Variants in ALK observed in about 807,000 individuals in gnomAD.
ALK encodes ALK receptor tyrosine kinase.
Under a neutral mutation model 163.1 loss-of-function variants are expected in ALK, and 74 were observed. The observed-to-expected ratio is 0.45, with a 90% CI of 0.38 to 0.55. ALK has a LOEUF of 0.55. ALK is among the 20% of genes least tolerant of loss of function. ALK has a pLI of 0.00. For missense variants in ALK, 2,063 were observed against 2,105.3 expected (o/e 0.98, Z 0.39); for synonymous variants, 960 against 843.2 (o/e 1.14, Z -2.40).
chr2:29,231,973 T>G (rs1426824776), intron 15 of ALK, among the ~76,000 whole-genome samples: 1 of 152,188 alleles, frequency 6.6e-6, no homozygotes, highest in East Asian at 1.9e-4. Context: ...GCTCATATCC[T>G]AACTGGGGGG....
Position 29,218,768 on chromosome 2 carries a change from G to A in ALK, c.3645+1938C>T, listed in dbSNP as rs376452665. 1.2e-4 allele frequency among the ~76,000 whole-genome samples: 18 copies of A among 152,368 alleles called. No homozygotes were observed. The South Asian group carries it at 2.5e-3, about 21-fold the overall frequency. On this transcript the variant is annotated intron_variant, in intron 23 of 28. Coordinates refer to ENST00000389048, the MANE Select transcript of ALK (RefSeq NM_004304.5). Reference sequence around the variant, plus strand: ...AACCAGGGCTGTGCCTCTTCCCAAAGTGTGATGCCACGTGTCCCCCACTGA... The same window carrying A: ...AACCAGGGCTGTGCCTCTTCCCAAAATGTGATGCCACGTGTCCCCCACTGA...
chr2:29,249,186 T>A (rs1204208320), intron 12 of ALK, among the ~76,000 whole-genome samples: 3 of 152,090 alleles, frequency 2.0e-5, no homozygotes, highest in African/African-American at 7.2e-5. Context: ...ATTCAAGGGA[T>A]CTCCTGAGAG....
chr2:29,215,666 T>TA (rs1367038126), intron 23 of ALK, among the ~76,000 whole-genome samples: 1 of 147,284 alleles, frequency 6.8e-6, no homozygotes, highest in African/African-American at 2.5e-5. Context: ...TCCAAGGAGT[T>TA]AAAATGGAAG....
intron 3 of ALK, among the ~76,000 whole-genome samples, chr2:29,607,775 G>A (rs966008279): frequency 5.9e-5 from 9 of 151,958 alleles, no homozygotes; most frequent in African/African-American, 2.2e-4. Flanking sequence ...AAGCCTTCTT[G>A]GAATGATTTT....
intron 4 of ALK, among the ~76,000 whole-genome samples, chr2:29,411,215 GA>G (rs1558312667): frequency 6.6e-6 from 1 of 152,156 alleles, no homozygotes; most frequent in African/African-American, 2.4e-5. Context: ...TGTCCCACTG[GA>G]AGGTCTTCAG....
intron 4 of ALK, among the ~76,000 whole-genome samples, chr2:29,509,186 T>C (rs1225392958): frequency 2.0e-5 from 3 of 152,104 alleles, no homozygotes; most frequent in Admixed American, 1.3e-4. Flanking sequence ...TTGTAGTAAA[T>C]TTGGGGACAC....
At chr2:29,635,400 G>A (rs530580020) in intron 3 of ALK, among the ~76,000 whole-genome samples, 35 of 152,244 alleles carry the variant, frequency 2.3e-4, no homozygotes, top group South Asian at 6.2e-4. Context: ...ACAAGAGAGA[G>A]GCAGTTGACA....
chr2:29,238,836 C>T (rs529334801), intron 13 of ALK, among the ~76,000 whole-genome samples: 19 of 152,212 alleles, frequency 1.2e-4, no homozygotes, highest in Non-Finnish European at 2.5e-4. Context: ...GCAGCAACCC[C>T]GAGGAACAAC....
intron 1 of ALK, among the ~76,000 whole-genome samples, chr2:29,828,549 G>A (rs891539554): frequency 2.6e-5 from 4 of 152,154 alleles, no homozygotes; most frequent in Non-Finnish European, 4.4e-5. Flanking sequence ...GCAGCCAAAA[G>A]ACACATGAAA....
At chr2:29,299,365 C>A (rs967981688) in intron 8 of ALK, among the ~76,000 whole-genome samples, 2 of 152,174 alleles carry the variant, frequency 1.3e-5, no homozygotes, top group African/African-American at 4.8e-5. Flanking sequence ...CTGAGGAAAT[C>A]AACTTTTTCA....
At chr2:29,386,724 T>C (rs1242010469) in intron 4 of ALK, among the ~76,000 whole-genome samples, 2 of 152,246 alleles carry the variant, frequency 1.3e-5, no homozygotes, top group African/African-American at 4.8e-5. Flanking sequence ...TTGTCTGAAA[T>C]TCTCTGGCCT....
At chr2:29,726,418 T>TACAAAGAC (rs1264916698) in intron 1 of ALK, among the ~76,000 whole-genome samples, 1 of 152,124 alleles carries the variant, frequency 6.6e-6, no homozygotes, top group African/African-American at 2.4e-5. Context: ...CTGAAAGCGA[T>TACAAAGAC]ACAAAGACAC....
chr2:29,230,188 T>C (rs1664155998), intron 15 of ALK, among the ~76,000 whole-genome samples: 1 of 152,148 alleles, frequency 6.6e-6, no homozygotes, highest in South Asian at 2.1e-4. Flanking sequence ...AAAAATCATC[T>C]CTAGATTACA....
chr2:29,560,618 C>T (rs1461753894), intron 3 of ALK, among the ~76,000 whole-genome samples: 1 of 151,878 alleles, frequency 6.6e-6, no homozygotes, highest in Non-Finnish European at 1.5e-5. Context: ...GTTGCCCAGG[C>T]TGGAGTGCAG....
chr2:29,490,203 G>A (rs1156266603), intron 4 of ALK, among the ~76,000 whole-genome samples: 1 of 152,244 alleles, frequency 6.6e-6, no homozygotes, highest in African/African-American at 2.4e-5. Context: ...GCTAGAGATA[G>A]GGAAGAGCTG....
intron 3 of ALK, among the ~76,000 whole-genome samples, chr2:29,690,811 A>G (rs1284383926): frequency 1.3e-5 from 2 of 152,154 alleles, no homozygotes; most frequent in Non-Finnish European, 2.9e-5. Context: ...TGGTCCTTCT[A>G]TAACTGACAA....
chr2:29,360,832 T>A (rs1668369423), intron 5 of ALK, among the ~76,000 whole-genome samples: 1 of 152,232 alleles, frequency 6.6e-6, no homozygotes, highest in African/African-American at 2.4e-5. Flanking sequence ...CTATGAGGTT[T>A]GTGCAAAGAT....
At chr2:29,605,708 G>A (rs1164789354) in intron 3 of ALK, among the ~76,000 whole-genome samples, 1 of 152,166 alleles carries the variant, frequency 6.6e-6, no homozygotes, top group Non-Finnish European at 1.5e-5. Context: ...GAATGTCTTT[G>A]CCTCCAGAAC....
At chr2:29,601,286 T>C (rs1483326103) in intron 3 of ALK, among the ~76,000 whole-genome samples, 1 of 152,238 alleles carries the variant, frequency 6.6e-6, no homozygotes, top group African/African-American at 2.4e-5. Context: ...ATCAAGACAT[T>C]GGGCACGAGT....
Sources: allele counts gnomAD v4.1 joint callset (sites outside exome capture counted in the v4.1 genomes callset), GRCh38; gene constraint gnomAD v4.1.1; transcripts MANE v1.5; gene names NCBI Gene and HGNC (gene_info 2026-07-23, HGNC 2026-07-21).